ZEB1: variants seen among roughly 807,000 people sequenced by gnomAD.
The protein encoded by ZEB1 is zinc finger E-box binding homeobox 1.
In ZEB1, 21 loss-of-function variants were observed where a neutral mutation model predicts 84.9. That is an observed-to-expected ratio of 0.25 (90% confidence interval 0.18 to 0.36). The LOEUF (loss-of-function observed/expected upper bound fraction) is 0.36, where lower values mean the gene tolerates loss of function less well. Ranked by LOEUF, ZEB1 falls within the 10% of genes least tolerant of loss-of-function variation. The pLI, the probability that ZEB1 is intolerant of heterozygous loss-of-function variation, is 1.00. For missense variants in ZEB1, 1,104 were observed against 1,330.2 expected (o/e 0.83, Z 2.65); for synonymous variants, 420 against 471.1 (o/e 0.89, Z 1.41).
At chr10:31,429,678 A>T (rs2057437811) in intron 1 of ZEB1, among the ~76,000 whole-genome samples, 1 of 151,142 alleles carries the variant, frequency 6.6e-6, no homozygotes, top group South Asian at 2.1e-4. Context: ...CCTGAATTTA[A>T]AAGTTAAAAA....
chr10:31,501,430 A>G (rs186269877), intron 3 of ZEB1, among the ~76,000 whole-genome samples: 127 of 152,346 alleles, frequency 8.3e-4, no homozygotes, highest in Non-Finnish European at 4.4e-5. Context: ...GAAATAGAGA[A>G]AGAATAGGCT....
intron 1 of ZEB1, among the ~76,000 whole-genome samples, chr10:31,392,607 A>AT (rs1189819061): frequency 1.3e-5 from 2 of 152,142 alleles, no homozygotes; most frequent in East Asian, 1.9e-4. Flanking sequence ...AGGAAATATT[A>AT]TTTTTTCTTT....
intron 1 of ZEB1, among the ~76,000 whole-genome samples, chr10:31,386,105 C>A (rs2048599886): frequency 6.6e-6 from 1 of 151,880 alleles, no homozygotes; most frequent in Non-Finnish European, 1.5e-5. Flanking sequence ...TATCGATCTA[C>A]TCTCTATGGA....
intron 4 of ZEB1, among the ~76,000 whole-genome samples, chr10:31,509,552 C>T (rs777410103): frequency 3.9e-5 from 6 of 152,192 alleles, no homozygotes; most frequent in African/African-American, 1.4e-4. Flanking sequence ...ATTCAGCCAT[C>T]TTGAAGCCCC....
intron 1 of ZEB1, among the ~76,000 whole-genome samples, chr10:31,377,941 A>G (rs928747524): frequency 1.3e-5 from 2 of 151,742 alleles, no homozygotes; most frequent in African/African-American, 4.8e-5. Flanking sequence ...AGTTCTCAGA[A>G]TAATTTACCA....
At chr10:31,330,091 TC>T (rs1392253095) in intron 1 of ZEB1, among the ~76,000 whole-genome samples, 6 of 152,174 alleles carry the variant, frequency 3.9e-5, no homozygotes, top group Non-Finnish European at 8.8e-5. Flanking sequence ...TTGTGTCCTT[TC>T]TGAGAAATCT....
intron 1 of ZEB1, among the ~76,000 whole-genome samples, chr10:31,331,077 CTTTCTTTTT>C (rs2036645799): frequency 2.2e-5 from 2 of 89,064 alleles, no homozygotes; most frequent in African/African-American, 5.4e-5. Flanking sequence ...TTTTTTCTTT[CTTTCTTTTT>C]TTTTTTTTTT....
chr10:31,321,414 CTT>C, intron 1 of ZEB1: 3 of 1,608,086 alleles, frequency 1.9e-6, no homozygotes, highest in Non-Finnish European at 2.6e-6. Context: ...GGAGAGATGA[CTT>C]GTTATAGCAA....
At chr10:31,437,352 A>C (rs1564849458) in intron 1 of ZEB1, among the ~76,000 whole-genome samples, 1 of 152,212 alleles carries the variant, frequency 6.6e-6, no homozygotes, top group Non-Finnish European at 1.5e-5. Flanking sequence ...GAAGCACTTA[A>C]GTCAGAGGAA....
chr10:31,501,615 T>G (rs2068133180), intron 3 of ZEB1, among the ~76,000 whole-genome samples: 1 of 151,002 alleles, frequency 6.6e-6, no homozygotes, highest in African/African-American at 2.5e-5. Context: ...AGATTTAAAG[T>G]AGAGCTCCCC....
rs116117905 is a variant in ZEB1 at position 31,346,810 on chromosome 10, C to A, written c.58+27518C>A. 7.2e-3 allele frequency among the ~76,000 whole-genome samples: 1,090 copies of A among 152,156 alleles called. 9 individuals carry two copies. The highest frequency in any genetic ancestry group is 0.025 in the African/African-American group (1,044 of 41,510). On this transcript the variant is annotated intron_variant, in intron 1 of 8. Coordinates refer to ENST00000424869, the MANE Select transcript of ZEB1 (RefSeq NM_001174096.2). ...TCCCATTTCTGTCTTAAAAGTATAA[C>A]CATGCATGCTCAATTAAGTCAGTTA...
chr10:31,431,053 C>T (rs1341131032), intron 1 of ZEB1, among the ~76,000 whole-genome samples: 1 of 152,074 alleles, frequency 6.6e-6, no homozygotes, highest in Non-Finnish European at 1.5e-5. Context: ...CTGGTTTTTT[C>T]ACCCAGAATA....
chr10:31,403,509 T>C (rs1191536023), intron 1 of ZEB1, among the ~76,000 whole-genome samples: 1 of 151,952 alleles, frequency 6.6e-6, no homozygotes, highest in Non-Finnish European at 1.5e-5. Flanking sequence ...TTTAAAAATA[T>C]TTAGAGTGTC....
intron 1 of ZEB1, among the ~76,000 whole-genome samples, chr10:31,452,437 C>A (rs1260958641): frequency 6.6e-6 from 1 of 151,952 alleles, no homozygotes; most frequent in Non-Finnish European, 1.5e-5. Flanking sequence ...CTCCTCTTTC[C>A]TGGAGTAATA....
chr10:31,461,248 T>C lies in ZEB1; in HGVS notation c.259+11T>C, dbSNP rs1461068645. On this transcript the variant is annotated intron_variant, in intron 2 of 8. Transcript: ENST00000424869. ...GCTGGGAGGATGACAGTAAGTCTGA[T>C]TTTTTTTTGTAATATTGTATTCTCA... The C allele has an allele frequency of 6.4e-7, 1 of 1,571,734 alleles. No homozygotes were observed. Among genetic ancestry groups the C allele is most frequent in the Non-Finnish European group, 8.7e-7 (1 of 1,150,964 alleles).
intron 2 of ZEB1, among the ~76,000 whole-genome samples, chr10:31,470,201 A>G (rs1290018101): frequency 4.6e-5 from 7 of 152,324 alleles, no homozygotes; most frequent in Admixed American, 2.6e-4. Context: ...CAATGGAACA[A>G]AGCTGGACGG....
Position 31,444,086 on chromosome 10 carries a change from C to G in ZEB1, c.59-16951C>G, listed in dbSNP as rs953954889. On this transcript the variant is annotated intron_variant, in intron 1 of 8. Coordinates refer to ENST00000424869, the MANE Select transcript of ZEB1 (RefSeq NM_001174096.2). ...CTCTCCAGCACCTGTTGTTTCCTGA[C>G]TTTTTAATGACTGCCATTCTAACTG... Among the ~76,000 whole-genome samples, 798 of 151,310 alleles carry G rather than the reference C, an allele frequency of 5.3e-3. 13 individuals carry two copies. The highest frequency in any genetic ancestry group is 0.019 in the African/African-American group (764 of 41,010).
chr10:31,421,929 TC>T (rs576129319), intron 1 of ZEB1, among the ~76,000 whole-genome samples: 1 of 151,812 alleles, frequency 6.6e-6, no homozygotes. Flanking sequence ...ATCACAGTAT[TC>T]CCCCCCTCCC....
rs149943643 is a variant in ZEB1, at chr10:31,525,607, C to T, written c.2786-1065C>T. Among the ~76,000 whole-genome samples the T allele has an allele frequency of 3.2e-3, 484 of 152,314 alleles. 5 individuals carry two copies. Among genetic ancestry groups the T allele is most frequent in the African/African-American group, 0.011 (456 of 41,550 alleles). On this transcript the variant is annotated intron_variant, in intron 8 of 8. Transcript: ENST00000424869. ...CCCTACCTGCTCTTCCCTGCCCCCA[C>T]TACCAGCCATTATGACTACAGTATC...
Sources: allele counts gnomAD v4.1 joint callset (sites outside exome capture counted in the v4.1 genomes callset), GRCh38; gene constraint gnomAD v4.1.1; transcripts MANE v1.5; gene names NCBI Gene and HGNC (gene_info 2026-07-23, HGNC 2026-07-21).